Variants in ZNF217 observed in about 807,000 individuals in gnomAD.
The protein encoded by ZNF217 is zinc finger protein 217.
Under a neutral mutation model 73.3 loss-of-function variants are expected in ZNF217, and 12 were observed. The observed-to-expected ratio is 0.16, with a 90% CI of 0.10 to 0.27. The LOEUF is 0.27. Ranked by LOEUF, ZNF217 falls within the 10% of genes least tolerant of loss-of-function variation. ZNF217 has a pLI of 1.00. For missense variants in ZNF217, 1,195 were observed against 1,327.8 expected, an observed-to-expected ratio of 0.90 and a Z score of 1.55; for synonymous variants, 588 against 516.4, an observed-to-expected ratio of 1.14 and a Z score of -1.88.
At position 53,582,940 on chromosome 20, in the gene ZNF217, T is replaced by C; in HGVS notation, c.-114A>G. The C allele has an allele frequency of 8.6e-7, 1 of 1,166,024 alleles. No individual in the cohort carries two copies. The highest frequency in any genetic ancestry group is 1.2e-6 in the Non-Finnish European group (1 of 826,774). The allele number at this position is 1,166,024 out of a possible 1,614,324, so 72.2% of individuals were successfully genotyped here. A position where few individuals can be genotyped will look rare whatever the true frequency, so the allele number is the denominator to read the frequency against. Reference sequence around the variant, plus strand: ...TCCAAAAACCAGAGCAAATATTTATTATAAAAGTTCAAAAGAAAGTGTATA... The same window carrying C: ...TCCAAAAACCAGAGCAAATATTTATCATAAAAGTTCAAAAGAAAGTGTATA... On this transcript the variant is annotated 5_prime_UTR_variant, in exon 2 of 6. In the 5' UTR this introduces an upstream ATG that the reference lacks. Transcript: ENST00000371471. This position sits in a 1 kb window ranked among gnomAD's most constrained non-coding sequence, Gnocchi z 4.8.
chr20:53,584,795 T>C (rs1158415093), intron 1 of ZNF217, among the ~76,000 whole-genome samples: 1 of 152,244 alleles, frequency 6.6e-6, no homozygotes, highest in South Asian at 2.1e-4. Flanking sequence ...CTTAGGTTTC[T>C]ATACATAGAA....
chr20:53,576,683 A>C lies in ZNF217; in HGVS notation c.2081T>G (p.Leu694Arg). The change falls in exon 4 of 6, where the codon CTT becomes CGT. Residue 694 changes from leucine to arginine, a missense_variant. By Grantham distance (102) the Leu-to-Arg change is moderately radical. This residue lies in a region of ZNF217 where 649 missense variants were observed against 642.8 expected (regional missense o/e 1.01). Coordinates refer to ENST00000371471, the MANE Select transcript of ZNF217 (RefSeq NM_006526.3). The part of the protein sequence containing the change: ...EKPLNLSVGA[L>R]HNCPAISLSK... ...CAAAGAAATTGCCGGGCAATTGTGA[A>C]GAGCCCCCACGGATAAATTTAAAGG... is the stretch of plus-strand genomic sequence containing the variant. 3.1e-6 allele frequency: 5 copies of C among 1,614,242 alleles called. No individual in the cohort carries two copies. The highest frequency in any genetic ancestry group is 3.4e-6 in the Non-Finnish European group (4 of 1,180,040).
upstream of ZNF217, among the ~76,000 whole-genome samples, chr20:53,594,509 G>C (rs1264841565): frequency 6.6e-6 from 1 of 151,312 alleles, no homozygotes; most frequent in East Asian, 2.0e-4. Context: ...GTTCTCGCTC[G>C]GCGACTCCCG....
chr20:53,569,123 A>G lies in ZNF217; in HGVS notation c.*165T>C. On this transcript the variant is annotated 3_prime_UTR_variant, in exon 6 of 6. Transcript: ENST00000371471. Reference sequence around the variant, plus strand: ...AAAGTTAACAGAACAACTTTACACAACTGTAGTGTTCCTTGCAGATTCCTC... The same window carrying G: ...AAAGTTAACAGAACAACTTTACACAGCTGTAGTGTTCCTTGCAGATTCCTC... The G allele has an allele frequency of 1.6e-5, 21 of 1,327,682 alleles. No homozygotes were observed. The highest frequency in any genetic ancestry group is 2.1e-5 in the Non-Finnish European group (21 of 1,003,866). 82.2% of individuals were successfully genotyped at this position (1,327,682 alleles called of 1,614,324 possible). A position where few individuals can be genotyped will look rare whatever the true frequency, so the allele number is the denominator to read the frequency against.
chr20:53,578,456 A>G lies in ZNF217; in HGVS notation c.1367-6T>C. The G allele has an allele frequency of 1.3e-6, 2 of 1,532,696 alleles. No individual in the cohort carries two copies. Among genetic ancestry groups the G allele is most frequent in the Non-Finnish European group, 1.8e-6 (2 of 1,134,302 alleles). 94.9% of individuals were successfully genotyped at this position (1,532,696 alleles called of 1,614,324 possible). Reference sequence around the variant, plus strand: ...TCCTCCATCATCATTTTTATCTTAAAGGAAAAACAAAAATATTTATATAAG... The same window carrying G: ...TCCTCCATCATCATTTTTATCTTAAGGGAAAAACAAAAATATTTATATAAG... On this transcript the variant is annotated splice_region_variant and splice_polypyrimidine_tract_variant and intron_variant, in intron 2 of 5. Coordinates refer to ENST00000371471, the MANE Select transcript of ZNF217 (RefSeq NM_006526.3).
Position 53,581,634 on chromosome 20 carries a change from T to C in ZNF217, c.1193A>G (p.Lys398Arg), listed in dbSNP as rs946328128. The C allele has an allele frequency of 2.5e-6, 4 of 1,614,136 alleles. No individual in the cohort carries two copies. Among genetic ancestry groups the C allele is most frequent in the South Asian group, 1.1e-5 (1 of 91,092 alleles). The change falls in exon 2 of 6, where the codon AAG becomes AGG. Residue 398 changes from lysine (K) to arginine (R), a missense_variant. Lys to Arg is a conservative substitution (Grantham distance 26). This residue lies in a region of ZNF217 where 116 missense variants were observed against 121.9 expected (regional missense o/e 0.95). Transcript: ENST00000371471. The surrounding 1 kb of genome is among the most constrained non-coding windows in gnomAD (Gnocchi z 4.9). ...CTCCGCGCCGGCCCTCCGGTCCTTCTTGTGGACCCTGGAGTGCAAGACCAG... is the reference window on the plus strand; with the variant it reads ...CTCCGCGCCGGCCCTCCGGTCCTTCCTGTGGACCCTGGAGTGCAAGACCAG... ...HQLVLHSRVH[K>R]KDRRAGAESP... is the part of the protein sequence containing the mutation.
At chr20:53,590,061 A>G (rs969440726) in intron 1 of ZNF217, among the ~76,000 whole-genome samples, 2 of 152,056 alleles carry the variant, frequency 1.3e-5, no homozygotes, top group African/African-American at 2.4e-5. Flanking sequence ...TTCTGTAAAT[A>G]CCTTTCAGGT....
At chr20:53,594,024 C>T (rs1382645230), upstream of ZNF217, among the ~76,000 whole-genome samples, 2 of 150,930 alleles carry the variant, frequency 1.3e-5, no homozygotes, top group Non-Finnish European at 3.0e-5. Context: ...CTAGTGCCTT[C>T]GCGCCTCCAA....
rs1342872186 is a variant in ZNF217, at chr20:53,569,178, T to G, written c.*110A>C. The G allele has an allele frequency of 1.5e-6, 2 of 1,348,084 alleles. No homozygotes were observed. The highest frequency in any genetic ancestry group is 2.0e-6 in the Non-Finnish European group (2 of 1,012,150). The allele number at this position is 1,348,084 out of a possible 1,614,324, so 83.5% of individuals were successfully genotyped here. ...GTTTTATGTACAGTACAATCACAGC[T>G]TATTTCAGTAGCTTTCACCATTCGC... On this transcript the variant is annotated 3_prime_UTR_variant, in exon 6 of 6. Transcript: ENST00000371471.
chr20:53,592,811 G>C (rs1425797884), intron 1 of ZNF217, among the ~76,000 whole-genome samples: 1 of 149,234 alleles, frequency 6.7e-6, no homozygotes, highest in East Asian at 2.0e-4. Flanking sequence ...TTCACCACTC[G>C]GCACCTCCTG....
intron 5 of ZNF217, among the ~76,000 whole-genome samples, chr20:53,570,045 A>G (rs1987925110): frequency 6.6e-6 from 1 of 152,186 alleles, no homozygotes; most frequent in South Asian, 2.1e-4. Context: ...AGGAAACACA[A>G]GCAGAGAAGC....
chr20:53,578,652 A>G (rs1179512403), intron 2 of ZNF217, among the ~76,000 whole-genome samples: 4 of 152,166 alleles, frequency 2.6e-5, no homozygotes, highest in African/African-American at 9.7e-5. Context: ...TTATAACATG[A>G]TTTTGTTTTG....
chr20:53,585,176 A>G (rs1475226469), intron 1 of ZNF217, among the ~76,000 whole-genome samples: 1 of 151,606 alleles, frequency 6.6e-6, no homozygotes, highest in Non-Finnish European at 1.5e-5. Flanking sequence ...AAACTTGACT[A>G]ATACGTGAAA....
chr20:53,577,237 G>A lies in ZNF217; in HGVS notation c.1527C>T (p.Ala509=). 2 of 1,605,234 alleles carry A rather than the reference G, an allele frequency of 1.2e-6. No individual in the cohort carries two copies. Among genetic ancestry groups the A allele is most frequent in the African/African-American group, 1.3e-5 (1 of 74,934 alleles). The part of the protein sequence containing the change: ...YKCEFCEYAA[A]QKTSLRYHLE... ...AGTGATACCTCAGAGATGTCTTCTG[G>A]GCTGCAGCATATTCACAAAATTCAC... Residue 509 remains alanine (A), a synonymous_variant, in exon 4 of 6, where the codon GCC becomes GCT. Transcript: ENST00000371471.
chr20:53,594,517 C>T (rs1989003987), upstream of ZNF217, among the ~76,000 whole-genome samples: 1 of 151,550 alleles, frequency 6.6e-6, no homozygotes, highest in South Asian at 2.1e-4. Context: ...TCGGCGACTC[C>T]CGCGCACGCG....
chr20:53,569,674 G>A (rs1324008790), intron 5 of ZNF217, among the ~76,000 whole-genome samples: 20 of 152,200 alleles, frequency 1.3e-4, no homozygotes, highest in Admixed American at 1.3e-3. Context: ...ATGAGCCACT[G>A]CGCCTGGCCC....
At position 53,576,438 on chromosome 20, in the gene ZNF217, G is replaced by A. The variant is rs1055998222; in HGVS notation, c.2326C>T (p.Pro776Ser). 6.2e-7 allele frequency: 1 copy of A among 1,614,204 alleles called. No homozygotes were observed. The highest frequency in any genetic ancestry group is 1.6e-4 in the Middle Eastern group (1 of 6,062). The change falls in exon 4 of 6, where the codon CCC becomes TCC. Residue 776 changes from proline to serine, a missense_variant. Pro to Ser is a moderately conservative substitution (Grantham distance 74). Coordinates refer to ENST00000371471, the MANE Select transcript of ZNF217 (RefSeq NM_006526.3). ...PPLSSFCKPKPKSAFPAQSKS... is the reference protein window; with the variant it reads ...PPLSSFCKPKSKSAFPAQSKS... ...GACTGCGCCGGGAAAGCAGACTTGG[G>A]CTTGGGTTTACAGAAACTAGAGAGG...
Position 53,582,494 on chromosome 20 carries a change from A to G in ZNF217, c.333T>C (p.Ser111=), listed in dbSNP as rs1267479506. Residue 111 remains serine, a synonymous_variant, in exon 2 of 6, where the codon AGT becomes AGC. Coordinates refer to ENST00000371471, the MANE Select transcript of ZNF217 (RefSeq NM_006526.3). The surrounding 1 kb of genome is among the most constrained non-coding windows in gnomAD (Gnocchi z 4.8). The part of the protein sequence containing the change: ...EAEYLSPLDK[S]QVRTEPPKEK... ...CCTTGGGAGGTTCTGTTCGCACTTG[A>G]CTTTTATCAAGCGGACTGAGATACT... The G allele has an allele frequency of 6.2e-7, 1 of 1,613,966 alleles. No individual in the cohort carries two copies.
chr20:53,579,900 G>A (rs1050925173), intron 2 of ZNF217, among the ~76,000 whole-genome samples: 17 of 152,192 alleles, frequency 1.1e-4, no homozygotes, highest in African/African-American at 1.7e-4. Context: ...AAGCTGGGGT[G>A]CTCCCACCCA....
Sources: allele counts gnomAD v4.1 joint callset (sites outside exome capture counted in the v4.1 genomes callset), GRCh38; gene constraint gnomAD v4.1.1; regional missense constraint gnomAD v4.1.1; non-coding constraint Gnocchi (gnomAD v3.1); transcripts MANE v1.5; gene names NCBI Gene and HGNC (gene_info 2026-07-23, HGNC 2026-07-21).